RALGPS2: variants seen among roughly 807,000 people sequenced by gnomAD.
RALGPS2 encodes Ral GEF with PH domain and SH3 binding motif 2.
In RALGPS2, 43 loss-of-function variants were observed where a neutral mutation model predicts 86.8. That is an observed-to-expected ratio of 0.50 (90% CI 0.39 to 0.64). The LOEUF (loss-of-function observed/expected upper bound fraction) is 0.64, where lower values mean the gene tolerates loss of function less well. Among genes scored for constraint, RALGPS2 ranks in the 30% least tolerant of loss-of-function variants. The pLI, the probability that RALGPS2 is intolerant of heterozygous loss-of-function variation, is 0.00. For missense variants in RALGPS2, 536 were observed against 694.6 expected, an observed-to-expected ratio of 0.77 and a Z score of 2.57; for synonymous variants, 243 against 231.3, an observed-to-expected ratio of 1.05 and a Z score of -0.46.
chr1:178,828,365 A>C (rs559241974), intron 7 of RALGPS2, among the ~76,000 whole-genome samples: 3 of 152,332 alleles, frequency 2.0e-5, no homozygotes. Context: ...GGTACAGCCT[A>C]TTGCTTCTAG....
chr1:178,906,064 CTTAACA>C (rs1037785550), intron 18 of RALGPS2, among the ~76,000 whole-genome samples: 2 of 152,118 alleles, frequency 1.3e-5, no homozygotes, highest in Admixed American at 6.6e-5. Context: ...CATGTTAAAA[CTTAACA>C]TTAACATCTA....
intron 8 of RALGPS2, among the ~76,000 whole-genome samples, chr1:178,835,943 A>G (rs964814047): frequency 9.2e-5 from 14 of 152,254 alleles, no homozygotes; most frequent in Non-Finnish European, 8.8e-5. Context: ...TCTAGAAAAG[A>G]AAATTAAGAT....
Position 178,877,571 on chromosome 1 carries a change from A to G in RALGPS2, c.681A>G (p.Gln227=), listed in dbSNP as rs1659056829. Reference sequence around the variant, plus strand: ...CTGGCAGCATTCTAGAAAATGAGCAAAGATCAAATTTAATGAATAATATCC... The same window carrying G: ...CTGGCAGCATTCTAGAAAATGAGCAGAGATCAAATTTAATGAATAATATCC... ...PSTGSILENE[Q]RSNLMNNILR... Residue 227 remains glutamine, a synonymous_variant, in exon 9 of 20, where the codon CAA becomes CAG. Coordinates refer to ENST00000367635, the MANE Select transcript of RALGPS2 (RefSeq NM_152663.5). 1.9e-6 allele frequency: 3 copies of G among 1,613,470 alleles called. No homozygotes were observed. Among genetic ancestry groups the G allele is most frequent in the Middle Eastern group, 1.6e-4 (1 of 6,080 alleles).
At chr1:178,787,902 T>C (rs1653742599) in intron 4 of RALGPS2, among the ~76,000 whole-genome samples, 1 of 152,188 alleles carries the variant, frequency 6.6e-6, no homozygotes, top group Non-Finnish European at 1.5e-5. Flanking sequence ...CATGGTAATC[T>C]TTTCAACATC....
At position 178,737,934 on chromosome 1, in the gene RALGPS2, C is replaced by T. The variant is rs540219774; in HGVS notation, c.-84+12515C>T. 1.8e-4 allele frequency among the ~76,000 whole-genome samples: 27 copies of T among 152,028 alleles called. No homozygotes were observed. The South Asian group carries it at 4.8e-3, about 27-fold the overall frequency. On this transcript the variant is annotated intron_variant, in intron 1 of 19. Transcript: ENST00000367635. ...GTGGGACTACGGGTGCACACCACCACCCCTGGCTAATTTTTTTGTTTTTTT... is the reference window on the plus strand; with the variant it reads ...GTGGGACTACGGGTGCACACCACCATCCCTGGCTAATTTTTTTGTTTTTTT...
chr1:178,879,642 A>G (rs1164174144), intron 10 of RALGPS2: 1 of 152,220 alleles, frequency 6.6e-6, no homozygotes, highest in Non-Finnish European at 1.5e-5. Flanking sequence ...AAAATACAGA[A>G]TTAGCCGGGC....
chr1:178,773,345 T>TA (rs1460332297), intron 1 of RALGPS2, among the ~76,000 whole-genome samples: 14 of 150,500 alleles, frequency 9.3e-5, no homozygotes, highest in African/African-American at 1.5e-4. Context: ...CCCTGTCTCT[T>TA]AAAAAAAAGG....
intron 6 of RALGPS2, among the ~76,000 whole-genome samples, 187 bp from the exon 7 acceptor site, chr1:178,821,425 G>A (rs1167159887): frequency 6.6e-6 from 1 of 152,160 alleles, no homozygotes; most frequent in African/African-American, 2.4e-5. Flanking sequence ...GGTAGAACAT[G>A]TAAGTTCTGT....
At chr1:178,854,009 A>AT (rs1366725260) in intron 8 of RALGPS2, among the ~76,000 whole-genome samples, 1 of 151,904 alleles carries the variant, frequency 6.6e-6, no homozygotes, top group Non-Finnish European at 1.5e-5. Flanking sequence ...CCATATATGT[A>AT]TTTTTTATAT....
intron 10 of RALGPS2, 22 bp downstream of exon 10, chr1:178,879,014 G>C: frequency 6.2e-7 from 1 of 1,609,390 alleles, no homozygotes; most frequent in South Asian, 1.1e-5. Flanking sequence ...CTTCAAAAGT[G>C]GTTTGTATAA....
intron 10 of RALGPS2, among the ~76,000 whole-genome samples, chr1:178,883,017 GTCAT>G (rs1659325331): frequency 6.6e-6 from 1 of 152,176 alleles, no homozygotes; most frequent in Non-Finnish European, 1.5e-5. Context: ...TCATCATTTA[GTCAT>G]TCATCAAATA....
chr1:178,743,101 A>G (rs915512324), intron 1 of RALGPS2, among the ~76,000 whole-genome samples: 4 of 152,366 alleles, frequency 2.6e-5, no homozygotes, highest in Admixed American at 2.6e-4. Flanking sequence ...ACATCCCTAT[A>G]GTCCTAGCTA....
chr1:178,764,221 CTTTA>C (rs567496367), intron 1 of RALGPS2, among the ~76,000 whole-genome samples: 9 of 152,176 alleles, frequency 5.9e-5, no homozygotes, highest in East Asian at 3.9e-4. Context: ...ATGTAATGCC[CTTTA>C]TTTATTTATT....
intron 1 of RALGPS2, among the ~76,000 whole-genome samples, chr1:178,744,245 T>A (rs936680926): frequency 6.6e-6 from 1 of 152,138 alleles, no homozygotes; most frequent in African/African-American, 2.4e-5. Context: ...TAAAAAAAAC[T>A]ATATGATCAT....
intron 8 of RALGPS2, among the ~76,000 whole-genome samples, chr1:178,848,518 A>G (rs1225755454): frequency 3.3e-5 from 5 of 152,076 alleles, no homozygotes; most frequent in Non-Finnish European, 1.5e-5. Flanking sequence ...AATTCATACT[A>G]TGTCTCTTCT....
Position 178,885,312 on chromosome 1 carries a change from T to C in RALGPS2, c.1040+101T>C, listed in dbSNP as rs545622398. The C allele has an allele frequency of 8.0e-5, 94 of 1,181,274 alleles. No individual in the cohort carries two copies. The African/African-American group carries it at 1.3e-3, about 17-fold the overall frequency. 73.2% of individuals were successfully genotyped at this position (1,181,274 alleles called of 1,614,324 possible). On this transcript the variant is annotated intron_variant, in intron 12 of 19. Coordinates refer to ENST00000367635, the MANE Select transcript of RALGPS2 (RefSeq NM_152663.5). ...TAGAAAATGGTATCCTTGAATAGTT[T>C]TCTTTTTTCTTAATAGCTGTTTTCT...
intron 19 of RALGPS2, among the ~76,000 whole-genome samples, chr1:178,915,306 G>T (rs910506048): frequency 1.3e-5 from 2 of 152,136 alleles, no homozygotes; most frequent in African/African-American, 4.8e-5. Context: ...TGCGATCTTG[G>T]CTCACTGCAA....
chr1:178,766,024 C>T (rs961380822), intron 1 of RALGPS2, among the ~76,000 whole-genome samples: 1 of 152,094 alleles, frequency 6.6e-6, no homozygotes, highest in Non-Finnish European at 1.5e-5. Context: ...TCATCCTCAG[C>T]TTACAAAGAT....
At chr1:178,889,900 G>A (rs1659649359) in intron 14 of RALGPS2, among the ~76,000 whole-genome samples, 1 of 151,832 alleles carries the variant, frequency 6.6e-6, no homozygotes, top group South Asian at 2.1e-4. Context: ...ATGTTTATTT[G>A]GTGGCATGAC....
Sources: gnomAD v4.1 joint callset for allele counts (sites outside exome capture counted in the v4.1 genomes callset) on GRCh38, gnomAD v4.1.1 for gene constraint, MANE v1.5 for transcripts, NCBI Gene and HGNC (gene_info 2026-07-23, HGNC 2026-07-21) for gene names.